The following FGGY variants were observed in gnomAD, a reference collection of about 807,000 sequenced individuals.
FGGY encodes FGGY carbohydrate kinase domain-containing protein.
FGGY carries 72 observed loss-of-function variants against 71.3 expected under a neutral mutation model. The observed-to-expected ratio is 1.01, with a 90% CI of 0.84 to 1.23. The LOEUF is 1.23. Among genes scored for constraint, FGGY ranks in the 50% most tolerant of loss-of-function variants. The pLI is 0.00. For missense variants in FGGY, 668 were observed against 682.3 expected, an observed-to-expected ratio of 0.98 and a Z score of 0.23; for synonymous variants, 251 against 250.3, an observed-to-expected ratio of 1.00 and a Z score of -0.02.
chr1:59,663,483 A>G (rs2153965236), intron 12 of FGGY, among the ~76,000 whole-genome samples: 1 of 152,326 alleles, frequency 6.6e-6, no homozygotes, highest in East Asian at 1.9e-4. Context: ...AGAAATGTAT[A>G]AATGAGGTTA....
At chr1:59,700,892 G>A (rs1208036734) in intron 14 of FGGY, among the ~76,000 whole-genome samples, 1 of 152,172 alleles carries the variant, frequency 6.6e-6, no homozygotes. Flanking sequence ...TGACAGAAAG[G>A]ACAGCAAGTG....
intron 8 of FGGY, among the ~76,000 whole-genome samples, chr1:59,590,214 T>A (rs1173801493): frequency 6.6e-6 from 1 of 152,132 alleles, no homozygotes; most frequent in African/African-American, 2.4e-5. Flanking sequence ...CCTCGACACA[T>A]ACACCCTCCC....
At chr1:59,642,932 G>A (rs1572524069) in intron 11 of FGGY, among the ~76,000 whole-genome samples, 1 of 151,396 alleles carries the variant, frequency 6.6e-6, no homozygotes, top group African/African-American at 2.4e-5. Context: ...CTACTCGGGA[G>A]GCTGAGGCAG....
chr1:59,297,816 GAA>G (rs35768218), intron 1 of FGGY, among the ~76,000 whole-genome samples: 7 of 135,040 alleles, frequency 5.2e-5, no homozygotes, highest in African/African-American at 1.4e-4. Flanking sequence ...GAGCGTCTCA[GAA>G]AAAAAAAAAA....
chr1:59,628,251 A>G (rs938655307), intron 10 of FGGY, among the ~76,000 whole-genome samples: 3 of 152,212 alleles, frequency 2.0e-5, no homozygotes, highest in Non-Finnish European at 4.4e-5. Context: ...ATCTCCTTTT[A>G]TGAGGCACCG....
At chr1:59,367,517 C>G (rs1342056006) in intron 4 of FGGY, among the ~76,000 whole-genome samples, 1 of 152,148 alleles carries the variant, frequency 6.6e-6, no homozygotes, top group African/African-American at 2.4e-5. Flanking sequence ...GGGAGCTGTT[C>G]CCTCCCTTTT....
intron 11 of FGGY, among the ~76,000 whole-genome samples, chr1:59,642,750 G>A (rs1004473430): frequency 2.6e-5 from 4 of 151,410 alleles, no homozygotes; most frequent in African/African-American, 7.3e-5. Flanking sequence ...CATTACATAC[G>A]GCTGGACGCG....
At chr1:59,373,914 T>C (rs1225032190) in intron 4 of FGGY, among the ~76,000 whole-genome samples, 5 of 152,168 alleles carry the variant, frequency 3.3e-5, no homozygotes, top group African/African-American at 1.2e-4. Flanking sequence ...CAAGATGGAT[T>C]AAAGACTTAA....
At chr1:59,713,473 C>G (rs2097816635) in intron 14 of FGGY, among the ~76,000 whole-genome samples, 1 of 152,158 alleles carries the variant, frequency 6.6e-6, no homozygotes, top group African/African-American at 2.4e-5. Flanking sequence ...CAAAGCTTCA[C>G]TAGTCCATGA....
chr1:59,491,351 G>C (rs764174541), intron 6 of FGGY, among the ~76,000 whole-genome samples: 1 of 151,622 alleles, frequency 6.6e-6, no homozygotes, highest in African/African-American at 2.4e-5. Context: ...TCTGATGCAT[G>C]AGCATGGAAT....
intron 9 of FGGY, among the ~76,000 whole-genome samples, chr1:59,617,880 G>C (rs185600847): frequency 4.4e-4 from 67 of 152,200 alleles, no homozygotes; most frequent in Middle Eastern, 3.4e-3. Context: ...TGGGATTTTA[G>C]GATGTGTACA....
intron 2 of FGGY, 129 bp downstream of exon 2, chr1:59,321,879 C>A: frequency 1.2e-6 from 1 of 827,492 alleles, no homozygotes; most frequent in Admixed American, 2.4e-5. Context: ...AGGCCTTGCC[C>A]TTCAGGAGCT....
At chr1:59,404,524 A>C (rs1178769188) in intron 5 of FGGY, among the ~76,000 whole-genome samples, 1 of 152,144 alleles carries the variant, frequency 6.6e-6, no homozygotes, top group East Asian at 1.9e-4. Flanking sequence ...AAGCAGATAG[A>C]GCACAGGTAG....
Position 59,457,106 on chromosome 1 carries a change from T to C in FGGY, c.670+30T>C, listed in dbSNP as rs567861420. The stretch of plus-strand genomic sequence containing the variant: ...AAGAATAAAACATCTGTAGAGTGAT[T>C]ATGTGCATTGGAGGATCTTGATGGG... On this transcript the variant is annotated intron_variant, in intron 6 of 15. Transcript: ENST00000303721. 49 of 1,471,928 alleles carry C rather than the reference T, an allele frequency of 3.3e-5. 1 individual carries two copies. The East Asian group carries it at 1.1e-3, about 33-fold the overall frequency. 91.2% of individuals were successfully genotyped at this position (1,471,928 alleles called of 1,614,324 possible).
chr1:59,520,961 G>A (rs1447402738), intron 7 of FGGY, among the ~76,000 whole-genome samples: 2 of 151,812 alleles, frequency 1.3e-5, no homozygotes, highest in Non-Finnish European at 1.5e-5. Flanking sequence ...CAAAAGCTGG[G>A]GGCAGGAGGG....
intron 5 of FGGY, among the ~76,000 whole-genome samples, chr1:59,455,736 A>G (rs960049666): frequency 3.3e-5 from 5 of 152,242 alleles, no homozygotes; most frequent in African/African-American, 4.8e-5. Context: ...GACATACTCC[A>G]TGCTCTGGGA....
intron 11 of FGGY, among the ~76,000 whole-genome samples, chr1:59,655,305 G>A (rs1346808135): frequency 6.6e-6 from 1 of 152,208 alleles, no homozygotes; most frequent in Admixed American, 6.5e-5. Flanking sequence ...TACATGTGAA[G>A]AACGTGCAGG....
At chr1:59,705,989 G>A (rs1260841679) in intron 14 of FGGY, among the ~76,000 whole-genome samples, 8 of 152,150 alleles carry the variant, frequency 5.3e-5, no homozygotes, top group Non-Finnish European at 1.0e-4. Flanking sequence ...TAAAGGAAAC[G>A]AAACACCTAC....
At chr1:59,525,099 G>C (rs1266109051) in intron 7 of FGGY, among the ~76,000 whole-genome samples, 2 of 152,216 alleles carry the variant, frequency 1.3e-5, no homozygotes, top group Non-Finnish European at 2.9e-5. Context: ...GCCCATAGCA[G>C]AAGCCCCATG....
Sources: gnomAD v4.1 joint callset for allele counts (sites outside exome capture counted in the v4.1 genomes callset) on GRCh38, gnomAD v4.1.1 for gene constraint, MANE v1.5 for transcripts, NCBI Gene and HGNC (gene_info 2026-07-23, HGNC 2026-07-21) for gene names.